TAPBP: variants seen among roughly 807,000 people sequenced by gnomAD.
The protein encoded by TAPBP is tapasin.
Under a neutral mutation model 45.7 loss-of-function variants are expected in TAPBP, and 38 were observed. That is an observed-to-expected ratio of 0.83 (90% CI 0.64 to 1.09). The LOEUF is 1.09. Ranked by LOEUF, TAPBP falls within the 50% of genes least tolerant of loss-of-function variation. The pLI, the probability that TAPBP is intolerant of heterozygous loss-of-function variation, is 0.00. For missense variants in TAPBP, 513 were observed against 587.3 expected (o/e 0.87, Z 1.31); for synonymous variants, 226 against 254.8 (o/e 0.89, Z 1.08).
In TAPBP at chr6:33,311,698, T is replaced by A. The variant is rs555960492; in HGVS notation, c.469+1519A>T. Among the ~76,000 whole-genome samples, 17 of 152,328 alleles carry A rather than the reference T, an allele frequency of 1.1e-4. No individual in the cohort carries two copies. In the South Asian group the frequency reaches 3.5e-3, roughly 32 times the overall value. On this transcript the variant is annotated intron_variant, in intron 3 of 7. Coordinates refer to ENST00000434618, the MANE Select transcript of TAPBP (RefSeq NM_003190.5). ...GCACCTTGCTTTGACCCCAGTTGTT[T>A]GTGAAATACAGACAATCTTACCACC... is the stretch of plus-strand genomic sequence containing the variant.
intron 7 of TAPBP, 175 bp downstream of exon 7, chr6:33,303,780 T>C (rs772656253): frequency 1.0e-5 from 16 of 1,554,410 alleles, no homozygotes; most frequent in Non-Finnish European, 1.4e-5. Flanking sequence ...ATAGATTAAG[T>C]AGCATGCTCA....
intron 3 of TAPBP, among the ~76,000 whole-genome samples, chr6:33,307,270 A>G: frequency 6.6e-6 from 1 of 152,160 alleles, no homozygotes; most frequent in Non-Finnish European, 1.5e-5. Context: ...CCTGGGCAAC[A>G]GAGTGAGACT....
rs995786465 is a variant in TAPBP at position 33,301,055 on chromosome 6, A to G, written c.*705T>C. 1 of 152,094 alleles carries G rather than the reference A, an allele frequency of 6.6e-6. No individual in the cohort carries two copies. The highest frequency in any genetic ancestry group is 6.5e-5 in the Admixed American group (1 of 15,274). The allele number at this position is 152,094 out of a possible 1,614,324, so 9.4% of individuals were successfully genotyped here. A position where few individuals can be genotyped will look rare whatever the true frequency, so the allele number is the denominator to read the frequency against. On this transcript the variant is annotated 3_prime_UTR_variant, in exon 8 of 8. Transcript: ENST00000434618. ...AAGCTACATGATATGTATTGACACC[A>G]TGGTTCCCACGATGAATAGAATGTG... is the stretch of plus-strand genomic sequence containing the variant.
At chr6:33,303,506 C>G (rs961679069) in intron 7 of TAPBP, 11 of 505,368 alleles carry the variant, frequency 2.2e-5, no homozygotes, top group Non-Finnish European at 3.5e-5. Flanking sequence ...TGGGTCTGAT[C>G]CCAAAGATAT....
chr6:33,313,365 G>T lies in TAPBP; in HGVS notation c.321C>A (p.Ser107Arg). 1 of 1,612,906 alleles carries T rather than the reference G, an allele frequency of 6.2e-7. No individual in the cohort carries two copies. Among genetic ancestry groups the T allele is most frequent in the Non-Finnish European group, 8.5e-7 (1 of 1,179,764 alleles). Residue 107 changes from serine to arginine, a missense_variant, in exon 3 of 8, where the codon AGC becomes AGA. Coordinates refer to ENST00000434618, the MANE Select transcript of TAPBP (RefSeq NM_003190.5). The surrounding 1 kb of genome is among the most constrained non-coding windows in gnomAD (Gnocchi z 7.2). ...VPLPASAKWA[S>R]GLTPAQNCPR... Reference sequence around the variant, plus strand: ...GGCAGTTCTGCGCGGGGGTCAGGCCGCTGGCCCATTTCGCAGAGGCGGGGA... The same window carrying T: ...GGCAGTTCTGCGCGGGGGTCAGGCCTCTGGCCCATTTCGCAGAGGCGGGGA...
chr6:33,309,829 A>T (rs1192308154), intron 3 of TAPBP, among the ~76,000 whole-genome samples: 1 of 148,560 alleles, frequency 6.7e-6, no homozygotes, highest in African/African-American at 2.5e-5. Context: ...GGTTCAAGCA[A>T]TTCTCTTGCC....
At chr6:33,303,506 C>A (rs961679069) in intron 7 of TAPBP, 6 of 505,368 alleles carry the variant, frequency 1.2e-5, no homozygotes, top group Admixed American at 6.8e-5. Flanking sequence ...TGGGTCTGAT[C>A]CCAAAGATAT....
chr6:33,303,600 G>T, intron 7 of TAPBP: 1 of 860,866 alleles, frequency 1.2e-6, no homozygotes, highest in Non-Finnish European at 1.7e-6. Flanking sequence ...TAAGGGACCA[G>T]AATTATTAGA....
chr6:33,303,512 GAT>G, intron 7 of TAPBP: 1 of 522,124 alleles, frequency 1.9e-6, no homozygotes, highest in East Asian at 3.3e-5. Context: ...TGATCCCAAA[GAT>G]ATTAAATATA....
Position 33,305,293 on chromosome 6 carries a change from G to T in TAPBP, c.564C>A (p.Thr188=), listed in dbSNP as rs753164169. The part of the protein sequence containing the change: ...LDLSFAYMPP[T]SEAASSLAPG... ...GAGCCAGAGATGAGGCGGCCTCGGA[G>T]GTGGGGGGCATGTAGGCAAAGCTCA... The change falls in exon 4 of 8, where the codon ACC becomes ACA. Residue 188 remains threonine (T), a synonymous_variant. Coordinates refer to ENST00000434618, the MANE Select transcript of TAPBP (RefSeq NM_003190.5). This position sits in a 1 kb window ranked among gnomAD's most constrained non-coding sequence, Gnocchi z 4.4. The T allele has an allele frequency of 6.3e-7, 1 of 1,580,072 alleles. No homozygotes were observed. The highest frequency in any genetic ancestry group is 8.6e-7 in the Non-Finnish European group (1 of 1,163,002).
intron 3 of TAPBP, among the ~76,000 whole-genome samples, chr6:33,310,963 C>T (rs1769302561): frequency 6.6e-6 from 1 of 152,214 alleles, no homozygotes; most frequent in Non-Finnish European, 1.5e-5. Flanking sequence ...TCTAATTTTA[C>T]ATCAGTACAA....
At position 33,304,744 on chromosome 6, in the gene TAPBP, T is replaced by G. The variant is rs189577433; in HGVS notation, c.869-106A>C. The G allele has an allele frequency of 5.4e-4, 739 of 1,366,238 alleles. 3 individuals carry two copies. Among genetic ancestry groups the G allele is most frequent in the Non-Finnish European group, 6.0e-4 (607 of 1,016,608 alleles). 84.6% of individuals were successfully genotyped at this position (1,366,238 alleles called of 1,614,324 possible). ...TTCCTCAGAACTAAAGAAGGTTAGGTTTCTTCTCCTGAAATAGGGAACCCA... is the reference window on the plus strand; with the variant it reads ...TTCCTCAGAACTAAAGAAGGTTAGGGTTCTTCTCCTGAAATAGGGAACCCA... On this transcript the variant is annotated intron_variant, in intron 4 of 7. Transcript: ENST00000434618.
At position 33,304,392 on chromosome 6, in the gene TAPBP, G is replaced by C; in HGVS notation, c.1115C>G (p.Thr372Ser). ...ATAGCGTGCCCCATGCTGCTCAGTG[G>C]TGACTGGGGGCGGCTGCAAGTGCCC... ...LSGHLQPPPV[T>S]TEQHGARYAC... The change falls in exon 5 of 8, where the codon ACC becomes AGC. Residue 372 changes from threonine to serine, a missense_variant. Physicochemically the swap from Thr to Ser is moderately conservative, Grantham distance 58. Transcript: ENST00000434618. 1.2e-6 allele frequency: 2 copies of C among 1,613,040 alleles called. No homozygotes were observed. The highest frequency in any genetic ancestry group is 1.7e-6 in the Non-Finnish European group (2 of 1,179,462).
chr6:33,313,647 G>T lies in TAPBP; in HGVS notation c.208+47C>A, dbSNP rs901167184. On this transcript the variant is annotated intron_variant, in intron 2 of 7. Transcript: ENST00000434618. The surrounding 1 kb of genome is among the most constrained non-coding windows in gnomAD (Gnocchi z 7.2). ...CCGGATCTAAAGAGGAGGGGGTTTC[G>T]GTGGAGGCGACAGAGGTAGGGGGGC... 2 of 1,583,108 alleles carry T rather than the reference G, an allele frequency of 1.3e-6. No individual in the cohort carries two copies. Among genetic ancestry groups the T allele is most frequent in the Non-Finnish European group, 1.7e-6 (2 of 1,161,514 alleles).
chr6:33,312,292 T>C (rs1769402370), intron 3 of TAPBP, among the ~76,000 whole-genome samples: 1 of 151,944 alleles, frequency 6.6e-6, no homozygotes, highest in Non-Finnish European at 1.5e-5. Flanking sequence ...TTCAAGTCTG[T>C]CTCCCTGGTT....
At position 33,313,470 on chromosome 6, in the gene TAPBP, C is replaced by T. The variant is rs1453071643; in HGVS notation, c.216G>A (p.Ala72=). The change falls in exon 3 of 8, where the codon GCG becomes GCA. Residue 72 remains alanine (A), a synonymous_variant. Coordinates refer to ENST00000434618, the MANE Select transcript of TAPBP (RefSeq NM_003190.5). The surrounding 1 kb of genome is among the most constrained non-coding windows in gnomAD (Gnocchi z 7.2). ...PELYLSVHDP[A]GALQAAFRRY... is the part of the protein sequence containing the mutation. ...GCCTGAAGGCAGCCTGGAGGGCGCCCGCGGGGTCTGAGTGTAGAGAAGGAA... is the reference window on the plus strand; with the variant it reads ...GCCTGAAGGCAGCCTGGAGGGCGCCTGCGGGGTCTGAGTGTAGAGAAGGAA... 7 of 1,570,386 alleles carry T rather than the reference C, an allele frequency of 4.5e-6. No homozygotes were observed. The highest frequency in any genetic ancestry group is 5.2e-6 in the Non-Finnish European group (6 of 1,155,176).
Position 33,313,162 on chromosome 6 carries a change from C to T in TAPBP, c.469+55G>A. 1 of 1,537,508 alleles carries T rather than the reference C, an allele frequency of 6.5e-7. No homozygotes were observed. The highest frequency in any genetic ancestry group is 8.8e-7 in the Non-Finnish European group (1 of 1,138,440). On this transcript the variant is annotated intron_variant, in intron 3 of 7. Coordinates refer to ENST00000434618, the MANE Select transcript of TAPBP (RefSeq NM_003190.5). The surrounding 1 kb of genome is among the most constrained non-coding windows in gnomAD (Gnocchi z 7.2). ...CAAGTCCATAAAGCGAGACCACCGG[C>T]TGATCTGGACCCTTAGAATCTACCC...
Position 33,313,964 on chromosome 6 carries a change from T to C in TAPBP, c.37+41A>G, listed in dbSNP as rs765410550. 6.2e-7 allele frequency: 1 copy of C among 1,613,650 alleles called. No individual in the cohort carries two copies. The highest frequency in any genetic ancestry group is 2.2e-5 in the East Asian group (1 of 44,872). On this transcript the variant is annotated intron_variant, in intron 1 of 7. Coordinates refer to ENST00000434618, the MANE Select transcript of TAPBP (RefSeq NM_003190.5). This position sits in a 1 kb window ranked among gnomAD's most constrained non-coding sequence, Gnocchi z 7.2. ...TCCAGTGGGGCCACCTCCCTCCGCT[T>C]CCCTCTAGTTCTTGGGCGATGAGTC...
In TAPBP at chr6:33,301,760, T is replaced by C; in HGVS notation, c.1347A>G (p.Ter449TrpextTer19). 1 of 1,614,036 alleles carries C rather than the reference T, an allele frequency of 6.2e-7. No individual in the cohort carries two copies. The highest frequency in any genetic ancestry group is 8.5e-7 in the Non-Finnish European group (1 of 1,179,924). ...TCKDSKKKAE* is the reference protein window; with the variant it reads ...TCKDSKKKAEW Reference sequence around the variant, plus strand: ...TTCCACAGGATGGCAGTGAGTGCCCTCACTCTGCTTTCTGGAAGAGAGGAA... The same window carrying C: ...TTCCACAGGATGGCAGTGAGTGCCCCCACTCTGCTTTCTGGAAGAGAGGAA... The change falls in exon 8 of 8, where the codon TGA (stop) becomes TGG (tryptophan). Residue 449 changes from the stop codon to tryptophan (W), a stop_lost. Transcript: ENST00000434618.
Sources: allele counts gnomAD v4.1 joint callset (sites outside exome capture counted in the v4.1 genomes callset), GRCh38; gene constraint gnomAD v4.1.1; non-coding constraint Gnocchi (gnomAD v3.1); transcripts MANE v1.5; gene names NCBI Gene and HGNC (gene_info 2026-07-23, HGNC 2026-07-21).